Variants in RTN4RL1 observed in about 807,000 individuals in gnomAD.
RTN4RL1 encodes reticulon-4 receptor-like 1.
RTN4RL1 carries 7 observed loss-of-function variants against 25.6 expected under a neutral mutation model. The ratio of observed to expected loss-of-function variants is 0.27; its 90% CI spans 0.16 to 0.51. RTN4RL1 has a LOEUF of 0.51. RTN4RL1 is among the 20% of genes least tolerant of loss of function. The pLI, the probability that RTN4RL1 is intolerant of heterozygous loss-of-function variation, is 0.97. For missense variants in RTN4RL1, 500 were observed against 615.6 expected (o/e 0.81, Z 1.99); for synonymous variants, 297 against 288.2 (o/e 1.03, Z -0.31).
At chr17:1,983,333 G>A (rs2066875344) in intron 1 of RTN4RL1, among the ~76,000 whole-genome samples, 1 of 151,414 alleles carries the variant, frequency 6.6e-6, no homozygotes, top group African/African-American at 2.4e-5. Flanking sequence ...GGCGTGAGCC[G>A]CCACACCTGG....
At chr17:1,956,560 A>G (rs1915798593) in intron 1 of RTN4RL1, among the ~76,000 whole-genome samples, 3 of 152,182 alleles carry the variant, frequency 2.0e-5, no homozygotes, top group Admixed American at 2.0e-4. Flanking sequence ...GAGACTGCAG[A>G]GTATCCCACT....
chr17:2,021,616 G>C (rs918737173), intron 1 of RTN4RL1, among the ~76,000 whole-genome samples: 2 of 141,276 alleles, frequency 1.4e-5, no homozygotes, highest in Non-Finnish European at 3.0e-5. Flanking sequence ...GTGCAGTGGT[G>C]CGATCTTGGC....
In RTN4RL1 at chr17:1,935,807, C is replaced by T; in HGVS notation, c.*689G>A. 3 of 980,306 alleles carry T rather than the reference C, an allele frequency of 3.1e-6. No individual in the cohort carries two copies. Among genetic ancestry groups the T allele is most frequent in the Non-Finnish European group, 3.6e-6 (3 of 828,538 alleles). 60.7% of individuals were successfully genotyped at this position (980,306 alleles called of 1,614,324 possible). Reference sequence around the variant, plus strand: ...GTAGTTAGTTATAAAACTGCACCTTCTGTGAGAACCTCATTGCCCGGGATG... The same window carrying T: ...GTAGTTAGTTATAAAACTGCACCTTTTGTGAGAACCTCATTGCCCGGGATG... On this transcript the variant is annotated 3_prime_UTR_variant, in exon 2 of 2. Coordinates refer to ENST00000331238, the MANE Select transcript of RTN4RL1 (RefSeq NM_178568.4).
chr17:1,950,393 A>G (rs1204392067), intron 1 of RTN4RL1, among the ~76,000 whole-genome samples: 1 of 152,160 alleles, frequency 6.6e-6, no homozygotes, highest in Non-Finnish European at 1.5e-5. Flanking sequence ...GAGGAATAAA[A>G]CAGGAAAACC....
intron 1 of RTN4RL1, among the ~76,000 whole-genome samples, chr17:1,955,742 C>A (rs893906450): frequency 6.6e-6 from 1 of 151,746 alleles, no homozygotes; most frequent in Admixed American, 6.6e-5. Flanking sequence ...CACCACCATG[C>A]CCGGCGAATT....
intron 1 of RTN4RL1, among the ~76,000 whole-genome samples, chr17:1,966,081 C>G (rs368387711): frequency 6.6e-6 from 1 of 152,122 alleles, no homozygotes; most frequent in East Asian, 1.9e-4. Flanking sequence ...GTCAACAGCC[C>G]CCCGCCCACC....
intron 1 of RTN4RL1, among the ~76,000 whole-genome samples, chr17:1,950,446 G>A (rs943729038): frequency 6.6e-5 from 10 of 152,180 alleles, no homozygotes; most frequent in African/African-American, 7.2e-5. Context: ...CATAACGTCC[G>A]AGAAGCCTTA....
intron 1 of RTN4RL1, among the ~76,000 whole-genome samples, chr17:1,990,922 C>T (rs1351077302): frequency 6.6e-6 from 1 of 152,134 alleles, no homozygotes; most frequent in Non-Finnish European, 1.5e-5. Context: ...CCTGCACCCA[C>T]CCTTTCCTGC....
At chr17:2,022,341 G>A (rs941484434) in intron 1 of RTN4RL1, among the ~76,000 whole-genome samples, 9 of 151,950 alleles carry the variant, frequency 5.9e-5, no homozygotes, top group East Asian at 2.0e-4. Flanking sequence ...TTGTAGAGAC[G>A]AAGTCCCACT....
At chr17:1,999,976 TGGGCAGGCCA>T (rs2151321938) in intron 1 of RTN4RL1, among the ~76,000 whole-genome samples, 1 of 152,264 alleles carries the variant, frequency 6.6e-6, no homozygotes, top group African/African-American at 2.4e-5. Flanking sequence ...TGCTGACCAC[TGGGCAGGCCA>T]GGGTCCCTGG....
At chr17:2,005,338 A>G (rs1350886667) in intron 1 of RTN4RL1, among the ~76,000 whole-genome samples, 3 of 152,156 alleles carry the variant, frequency 2.0e-5, no homozygotes. Context: ...GTCTTCTTTA[A>G]TCTTCACAAC....
At chr17:1,990,616 G>A (rs1470294915) in intron 1 of RTN4RL1, among the ~76,000 whole-genome samples, 1 of 152,012 alleles carries the variant, frequency 6.6e-6, no homozygotes, top group Admixed American at 6.6e-5. Flanking sequence ...TGGGAGGATC[G>A]CTTGAGCCCA....
chr17:1,968,969 G>A (rs1416886407), intron 1 of RTN4RL1, among the ~76,000 whole-genome samples: 12 of 151,668 alleles, frequency 7.9e-5, no homozygotes, highest in Admixed American at 7.9e-4. Flanking sequence ...AACCAGCCCA[G>A]GAAACCAACC....
chr17:1,968,518 C>T (rs2066802960), intron 1 of RTN4RL1, among the ~76,000 whole-genome samples: 1 of 152,180 alleles, frequency 6.6e-6, no homozygotes, highest in South Asian at 2.1e-4. Context: ...TTTCTGTGAC[C>T]CTTCTTGCAG....
intron 1 of RTN4RL1, among the ~76,000 whole-genome samples, chr17:1,944,569 G>T (rs1362510582): frequency 6.6e-6 from 1 of 152,102 alleles, no homozygotes; most frequent in Non-Finnish European, 1.5e-5. Flanking sequence ...TGATTCTCCT[G>T]CCTCAGCCTC....
In RTN4RL1 at chr17:2,009,923, T is replaced by A. The variant is rs1286107841; in HGVS notation, c.13+14930A>T. Among the ~76,000 whole-genome samples, 5 of 128,902 alleles carry A rather than the reference T, an allele frequency of 3.9e-5. 2 individuals carry two copies. In the Admixed American group the frequency reaches 4.1e-4, roughly 10 times the overall value. 84.6% of individuals were successfully genotyped at this position (128,902 alleles called of 152,430 possible). A position where few individuals can be genotyped will look rare whatever the true frequency, so the allele number is the denominator to read the frequency against. On this transcript the variant is annotated intron_variant, in intron 1 of 1. Transcript: ENST00000331238. ...ACAGCCAGGTACTGTAGCAAGCACA[T>A]GCCTGACGCAGGGCCTTTGCACCTG...
chr17:1,982,215 C>T (rs1431659881), intron 1 of RTN4RL1, among the ~76,000 whole-genome samples: 2 of 152,136 alleles, frequency 1.3e-5, no homozygotes, highest in South Asian at 2.1e-4. Context: ...GCAGGAGAAT[C>T]GCTTAAACCC....
intron 1 of RTN4RL1, among the ~76,000 whole-genome samples, chr17:2,023,041 T>C (rs1567535726): frequency 6.6e-6 from 1 of 152,144 alleles, no homozygotes; most frequent in South Asian, 2.1e-4. Context: ...ATAAATAAAG[T>C]GTGTGGGCTG....
chr17:2,010,979 C>T (rs1395927923), intron 1 of RTN4RL1, among the ~76,000 whole-genome samples: 2 of 152,140 alleles, frequency 1.3e-5, no homozygotes, highest in African/African-American at 2.4e-5. Context: ...CGGCCGGGCG[C>T]GGTAGCTCAC....
Sources: allele counts gnomAD v4.1 joint callset (sites outside exome capture counted in the v4.1 genomes callset), GRCh38; gene constraint gnomAD v4.1.1; transcripts MANE v1.5; gene names NCBI Gene and HGNC (gene_info 2026-07-23, HGNC 2026-07-21).